Variants in TMEM117 observed in about 807,000 individuals in gnomAD.
TMEM117 encodes transmembrane protein 117.
TMEM117 carries 27 observed loss-of-function variants against 52.4 expected under a neutral mutation model. The ratio of observed to expected loss-of-function variants is 0.51; its 90% CI spans 0.38 to 0.71. The LOEUF (loss-of-function observed/expected upper bound fraction) is 0.71, where lower values mean the gene tolerates loss of function less well. Among genes scored for constraint, TMEM117 ranks in the 30% least tolerant of loss-of-function variants. The probability of loss-of-function intolerance (pLI) is 0.00; values close to 1 mark genes in which losing one functional copy is unlikely to be tolerated. For synonymous variants in TMEM117, 215 were observed against 206.3 expected (o/e 1.04, Z -0.36); for missense variants, 556 against 630.5 (o/e 0.88, Z 1.26).
At chr12:44,124,010 AAT>A (rs1283438642) in intron 3 of TMEM117, among the ~76,000 whole-genome samples, 1 of 151,878 alleles carries the variant, frequency 6.6e-6, no homozygotes, top group Non-Finnish European at 1.5e-5. Context: ...CCATTTTAAC[AAT>A]ATAGATTCTT....
chr12:44,233,190 T>TTCAATAAAG (rs546349029), intron 5 of TMEM117, among the ~76,000 whole-genome samples: 210 of 151,404 alleles, frequency 1.4e-3, no homozygotes, highest in African/African-American at 4.8e-3. Flanking sequence ...TGTTACTTAT[T>TTCAATAAAG]TCAATAAAGT....
chr12:44,361,095 T>G (rs1432365837), intron 6 of TMEM117, among the ~76,000 whole-genome samples: 1 of 152,162 alleles, frequency 6.6e-6, no homozygotes, highest in African/African-American at 2.4e-5. Context: ...AGACATTTTT[T>G]CACAGACTCT....
intron 3 of TMEM117, among the ~76,000 whole-genome samples, chr12:43,959,694 T>A (rs898797291): frequency 1.7e-4 from 26 of 151,906 alleles, no homozygotes; most frequent in African/African-American, 6.3e-4. Flanking sequence ...AAGGAAGGAG[T>A]GTTTGTGTGT....
intron 2 of TMEM117, among the ~76,000 whole-genome samples, chr12:43,930,976 A>G (rs1944862669): frequency 6.6e-6 from 1 of 152,158 alleles, no homozygotes. Flanking sequence ...ACCAGAGTGA[A>G]AAAGAGAGCA....
intron 3 of TMEM117, among the ~76,000 whole-genome samples, chr12:43,991,665 T>G (rs1198644773): frequency 1.3e-5 from 2 of 152,132 alleles, no homozygotes; most frequent in Admixed American, 1.3e-4. Context: ...CTACATAATA[T>G]ATGCTCAGTA....
chr12:44,136,604 G>C (rs367756636), intron 3 of TMEM117, among the ~76,000 whole-genome samples: 2 of 152,008 alleles, frequency 1.3e-5, no homozygotes, highest in Non-Finnish European at 2.9e-5. Context: ...GTGTTTTACT[G>C]TGTAGCTCTG....
intron 4 of TMEM117, among the ~76,000 whole-genome samples, chr12:44,162,921 C>A (rs1948916873): frequency 6.6e-6 from 1 of 152,148 alleles, no homozygotes; most frequent in South Asian, 2.1e-4. Flanking sequence ...GAGATGTGAT[C>A]AGTGTATTTT....
At chr12:43,853,043 A>G (rs1943338065) in intron 2 of TMEM117, among the ~76,000 whole-genome samples, 1 of 152,178 alleles carries the variant, frequency 6.6e-6, no homozygotes, top group Non-Finnish European at 1.5e-5. Context: ...ACCTGTTAAT[A>G]CTGCATACTT....
At chr12:43,805,652 A>C in the TMEM117 span, 1 of 629,674 alleles carries the variant, frequency 1.6e-6, no homozygotes, top group Non-Finnish European at 2.6e-6. Context: ...GAAAAAGATC[A>C]AAACACACGC....
At chr12:43,802,825 T>C in the TMEM117 span, among the ~76,000 whole-genome samples, 1 of 152,170 alleles carries the variant, frequency 6.6e-6, no homozygotes, top group East Asian at 1.9e-4. Context: ...ATATTTAAAC[T>C]ACCATTCAAA....
At chr12:44,067,553 G>T (rs756584313) in intron 3 of TMEM117, among the ~76,000 whole-genome samples, 1 of 152,154 alleles carries the variant, frequency 6.6e-6, no homozygotes, top group Non-Finnish European at 1.5e-5. Flanking sequence ...GATTGTCATT[G>T]TCAATGACAT....
intron 4 of TMEM117, among the ~76,000 whole-genome samples, chr12:44,204,849 T>G (rs908916652): frequency 6.6e-6 from 1 of 152,090 alleles, no homozygotes; most frequent in African/African-American, 2.4e-5. Context: ...TGGCTAGCCA[T>G]ATGCAGAAGA....
chr12:43,933,655 C>T (rs531041272), intron 2 of TMEM117, among the ~76,000 whole-genome samples: 6 of 150,938 alleles, frequency 4.0e-5, no homozygotes, highest in South Asian at 2.1e-4. Flanking sequence ...CCTCTGCCTC[C>T]GGGTTCAAGC....
At chr12:44,286,844 G>C (rs915654245) in intron 5 of TMEM117, among the ~76,000 whole-genome samples, 8 of 152,054 alleles carry the variant, frequency 5.3e-5, no homozygotes, top group Non-Finnish European at 1.2e-4. Context: ...TTGAGAATTT[G>C]TGCAGCTTTT....
chr12:44,344,054 G>T (rs1951451941), intron 6 of TMEM117, among the ~76,000 whole-genome samples: 1 of 152,084 alleles, frequency 6.6e-6, no homozygotes, highest in Admixed American at 6.6e-5. Context: ...AAGGTAATGG[G>T]TGGTAAATAT....
intron 6 of TMEM117, among the ~76,000 whole-genome samples, chr12:44,371,079 C>T (rs1202886855): frequency 1.3e-5 from 2 of 152,140 alleles, no homozygotes; most frequent in Non-Finnish European, 2.9e-5. Flanking sequence ...AAATCAGGCA[C>T]TCAGGTTTCT....
rs143047392 is a variant in TMEM117 at position 43,935,531 on chromosome 12, A to G, written c.278-8679A>G. ...TTCATTTTATATATTAGAGAAGCATACATTGAGAGATAAAATATAAGGAGG... is the reference window on the plus strand; with the variant it reads ...TTCATTTTATATATTAGAGAAGCATGCATTGAGAGATAAAATATAAGGAGG... On this transcript the variant is annotated intron_variant, in intron 2 of 7. Transcript: ENST00000266534. 1.8e-4 allele frequency among the ~76,000 whole-genome samples: 28 copies of G among 152,350 alleles called. No homozygotes were observed. The East Asian group carries it at 5.4e-3, about 29-fold the overall frequency.
chr12:44,163,909 AG>A (rs1948929922), intron 4 of TMEM117, among the ~76,000 whole-genome samples: 1 of 152,154 alleles, frequency 6.6e-6, no homozygotes. Flanking sequence ...ATTTTCCCAA[AG>A]TATTTTCTAT....
At position 44,016,819 on chromosome 12, in the gene TMEM117, A is replaced by G. The variant is rs548731754; in HGVS notation, c.410+72477A>G. ...CCACCTTTATAATTTAGGTTGCATC[A>G]GTATCACCTGGGTGCCTGCCAAAAA... On this transcript the variant is annotated intron_variant, in intron 3 of 7. Transcript: ENST00000266534. Among the ~76,000 whole-genome samples, 39 of 152,350 alleles carry G rather than the reference A, an allele frequency of 2.6e-4. 2 individuals are homozygous for G. Among genetic ancestry groups the G allele is most frequent in the African/African-American group, 9.4e-4 (39 of 41,598 alleles).
Sources: gnomAD v4.1 joint callset for allele counts (sites outside exome capture counted in the v4.1 genomes callset) on GRCh38, gnomAD v4.1.1 for gene constraint, MANE v1.5 for transcripts, NCBI Gene and HGNC (gene_info 2026-07-23, HGNC 2026-07-21) for gene names.